Variants in STARD13 observed in about 807,000 individuals in gnomAD.
STARD13 encodes the protein stAR-related lipid transfer protein 13.
In STARD13, 62 loss-of-function variants were observed where a neutral mutation model predicts 106.4. That is an observed-to-expected ratio of 0.58 (90% confidence interval 0.48 to 0.72). The LOEUF is 0.72. Among genes scored for constraint, STARD13 ranks in the 30% least tolerant of loss-of-function variants. The pLI is 0.00. For synonymous variants in STARD13, 565 were observed against 553.0 expected (o/e 1.02, Z -0.31); for missense variants, 1,387 against 1,424.0 (o/e 0.97, Z 0.42).
the STARD13 span, among the ~76,000 whole-genome samples, chr13:33,399,864 T>C: frequency 6.6e-6 from 1 of 151,962 alleles, no homozygotes; most frequent in Non-Finnish European, 1.5e-5. Flanking sequence ...AGGGCTGGGA[T>C]TGAGGGGGCA....
downstream of STARD13, among the ~76,000 whole-genome samples, chr13:33,343,642 C>G (rs1012705303): frequency 3.4e-5 from 5 of 148,774 alleles, no homozygotes; most frequent in African/African-American, 1.2e-4. Context: ...TTCCAACAAC[C>G]AACCTGTTAT....
At chr13:33,308,081 C>T (rs1892979127) in intron 1 of STARD13, among the ~76,000 whole-genome samples, 1 of 152,172 alleles carries the variant, frequency 6.6e-6, no homozygotes, top group Non-Finnish European at 1.5e-5. Flanking sequence ...CCACGTGGAG[C>T]TTTGTAGTAG....
At chr13:33,312,876 G>A (rs1262191801) in intron 1 of STARD13, among the ~76,000 whole-genome samples, 9 of 152,112 alleles carry the variant, frequency 5.9e-5, no homozygotes, top group Admixed American at 4.6e-4. Flanking sequence ...CATAAAGCAC[G>A]GTCCATTTGT....
intron 1 of STARD13, among the ~76,000 whole-genome samples, chr13:33,255,233 G>A (rs1890300634): frequency 6.6e-6 from 1 of 152,110 alleles, no homozygotes; most frequent in African/African-American, 2.4e-5. Context: ...GCCTCATACA[G>A]ATGTGTAAGC....
chr13:33,250,222 A>G (rs1156554165), intron 1 of STARD13, among the ~76,000 whole-genome samples: 1 of 152,232 alleles, frequency 6.6e-6, no homozygotes. Flanking sequence ...TGAGCAGTAG[A>G]CATTGCTAGG....
chr13:33,473,852 C>G, the STARD13 span, among the ~76,000 whole-genome samples: 1 of 152,148 alleles, frequency 6.6e-6, no homozygotes, highest in Admixed American at 6.5e-5. Flanking sequence ...TGGGCCCAGA[C>G]AGCAGGATCT....
intron 1 of STARD13, among the ~76,000 whole-genome samples, chr13:33,283,451 A>G (rs984701722): frequency 1.8e-4 from 28 of 152,200 alleles, no homozygotes; most frequent in African/African-American, 6.3e-4. Flanking sequence ...ATTAACTACA[A>G]TGATTTTGGT....
At chr13:33,147,853 G>A (rs1241144147) in intron 3 of STARD13, among the ~76,000 whole-genome samples, 2 of 152,152 alleles carry the variant, frequency 1.3e-5, no homozygotes, top group Admixed American at 6.5e-5. Context: ...TGATAGTATG[G>A]TACTGGTGAA....
the STARD13 span, among the ~76,000 whole-genome samples, chr13:33,654,458 C>A: frequency 6.6e-6 from 1 of 151,882 alleles, no homozygotes; most frequent in Non-Finnish European, 1.5e-5. Flanking sequence ...GTTGCCAGAG[C>A]CTGGGGAAGG....
the STARD13 span, among the ~76,000 whole-genome samples, chr13:33,398,567 T>C: frequency 6.6e-6 from 1 of 152,016 alleles, no homozygotes; most frequent in Non-Finnish European, 1.5e-5. Flanking sequence ...TCTGAAGATA[T>C]AGATGCAGAA....
the STARD13 span, among the ~76,000 whole-genome samples, chr13:33,470,733 T>C: frequency 6.6e-6 from 1 of 152,228 alleles, no homozygotes; most frequent in Non-Finnish European, 1.5e-5. Flanking sequence ...TTTTGAGAAG[T>C]GTCTGTTCAT....
At chr13:33,502,699 A>G in the STARD13 span, among the ~76,000 whole-genome samples, 34 of 152,244 alleles carry the variant, frequency 2.2e-4, no homozygotes, top group East Asian at 1.9e-3. Flanking sequence ...ATTGATTTGC[A>G]TATGTTGAAC....
intron 1 of STARD13, among the ~76,000 whole-genome samples, chr13:33,209,467 T>TTTA (rs953130930): frequency 6.6e-6 from 1 of 151,888 alleles, no homozygotes; most frequent in Non-Finnish European, 1.5e-5. Context: ...CTCTTTTTTT[T>TTTA]TTCCAAATTC....
At chr13:33,265,787 G>C (rs940405554) in intron 1 of STARD13, among the ~76,000 whole-genome samples, 2 of 151,990 alleles carry the variant, frequency 1.3e-5, no homozygotes, top group African/African-American at 4.8e-5. Context: ...TACTGAGTAA[G>C]AATTACTGAT....
At chr13:33,468,814 G>A in the STARD13 span, among the ~76,000 whole-genome samples, 2 of 152,148 alleles carry the variant, frequency 1.3e-5, no homozygotes, top group Non-Finnish European at 1.5e-5. Context: ...TTCTCCATAT[G>A]AGTATTTCTC....
At chr13:33,414,200 G>T in the STARD13 span, among the ~76,000 whole-genome samples, 2 of 152,178 alleles carry the variant, frequency 1.3e-5, no homozygotes, top group African/African-American at 4.8e-5. Flanking sequence ...ACGATGCAGA[G>T]AAACTATATC....
At chr13:33,294,676 T>C (rs1202316258) in intron 1 of STARD13, among the ~76,000 whole-genome samples, 1 of 152,242 alleles carries the variant, frequency 6.6e-6, no homozygotes, top group Non-Finnish European at 1.5e-5. Flanking sequence ...TATTTTTATT[T>C]TCAATGAATT....
At chr13:33,523,056 C>T in the STARD13 span, among the ~76,000 whole-genome samples, 1 of 152,084 alleles carries the variant, frequency 6.6e-6, no homozygotes, top group African/African-American at 2.4e-5. Flanking sequence ...TCTGAAACTA[C>T]TCTCTGCTTT....
the STARD13 span, among the ~76,000 whole-genome samples, chr13:33,424,971 T>C: frequency 6.6e-6 from 1 of 152,236 alleles, no homozygotes; most frequent in Non-Finnish European, 1.5e-5. Flanking sequence ...AAACTCTGTG[T>C]CTGAAAGTTT....
Sources: gnomAD v4.1 joint callset for allele counts (sites outside exome capture counted in the v4.1 genomes callset) on GRCh38, gnomAD v4.1.1 for gene constraint, MANE v1.5 for transcripts, NCBI Gene and HGNC (gene_info 2026-07-23, HGNC 2026-07-21) for gene names.